Variants in DST observed in about 807,000 individuals in gnomAD.
DST encodes the protein bullous pemphigoid antigen.
In DST, 253 loss-of-function variants were observed where a neutral mutation model predicts 875.2. That is an observed-to-expected ratio of 0.29 (90% CI 0.26 to 0.32). The LOEUF (loss-of-function observed/expected upper bound fraction) is 0.32. Among genes scored for constraint, DST ranks in the 10% least tolerant of loss-of-function variants. The probability of loss-of-function intolerance (pLI) is 1.00; values close to 1 mark genes in which losing one functional copy is unlikely to be tolerated. For missense variants in DST, 8,287 were observed against 9,111.6 expected, an observed-to-expected ratio of 0.91 and a Z score of 3.68; for synonymous variants, 3,124 against 3,197.1, an observed-to-expected ratio of 0.98 and a Z score of 0.77.
At chr6:56,740,102 C>CG (rs1389702170) in intron 4 of DST, among the ~76,000 whole-genome samples, 5 of 152,146 alleles carry the variant, frequency 3.3e-5, no homozygotes, top group African/African-American at 7.2e-5. Flanking sequence ...GTGATCCTCC[C>CG]GCCTCGGCCT....
intron 69 of DST, among the ~76,000 whole-genome samples, chr6:56,525,548 T>G (rs2096782280): frequency 6.6e-6 from 1 of 152,216 alleles, no homozygotes. Context: ...ATCAGCTTGA[T>G]TTATGCCTCT....
chr6:56,571,701 C>A (rs1380336492), intron 53 of DST, among the ~76,000 whole-genome samples: 1 of 152,140 alleles, frequency 6.6e-6, no homozygotes, highest in Non-Finnish European at 1.5e-5. Context: ...ATTGAAATTG[C>A]ACATCGTTTC....
At position 56,607,809 on chromosome 6, in the gene DST, T is replaced by C. The variant is rs1281116670; in HGVS notation, c.6819A>G (p.Thr2273=). 6.2e-7 allele frequency: 1 copy of C among 1,613,400 alleles called. No homozygotes were observed. The highest frequency in any genetic ancestry group is 8.5e-7 in the Non-Finnish European group (1 of 1,179,716). Residue 2273 remains threonine, a synonymous_variant, in exon 40 of 104, where the codon ACA becomes ACG. Transcript: ENST00000680361. ...NASGREKDEC[T]ATPSSFNKCH... ...ATTTATTGAAACTACTTGGTGTAGC[T>C]GTACATTCATCCTTTTCTCTACCTG... is the stretch of plus-strand genomic sequence containing the variant.
chr6:56,479,181 C>T (rs1164760894), intron 90 of DST, among the ~76,000 whole-genome samples: 1 of 152,104 alleles, frequency 6.6e-6, no homozygotes, highest in African/African-American at 2.4e-5. Flanking sequence ...GAAAAATGCT[C>T]AACATCACTA....
chr6:56,553,756 T>C, intron 60 of DST, 101 bp from the exon 61 acceptor site: 1 of 1,174,510 alleles, frequency 8.5e-7, no homozygotes, highest in Non-Finnish European at 1.2e-6. Context: ...ATAGAATTGT[T>C]GAAAAGCAAG....
At chr6:56,827,435 A>G (rs1264486394) in intron 4 of DST, among the ~76,000 whole-genome samples, 2 of 147,714 alleles carry the variant, frequency 1.4e-5, no homozygotes, top group African/African-American at 2.5e-5. Flanking sequence ...TGAACCCAGA[A>G]GGCGGAGGTT....
chr6:56,637,382 T>G (rs1391606847), intron 22 of DST, among the ~76,000 whole-genome samples: 1 of 152,316 alleles, frequency 6.6e-6, no homozygotes, highest in South Asian at 2.1e-4. Context: ...CTCTTACATC[T>G]GCTTTGTGGA....
rs1469573460 is a variant in DST at position 56,606,641 on chromosome 6, T to C, written c.7987A>G (p.Lys2663Glu). 1 of 1,613,638 alleles carries C rather than the reference T, an allele frequency of 6.2e-7. No homozygotes were observed. The highest frequency in any genetic ancestry group is 2.2e-5 in the East Asian group (1 of 44,874). ...GGAACCATGGAATTTTCATTCTCTT[T>C]TGAGACATCATAAAAAACATCAGCA... ...SPADVFYDVS[K>E]ENENSMVPQG... Residue 2663 changes from lysine to glutamate, a missense_variant, in exon 40 of 104, where the codon AAA (lysine) becomes GAA (glutamate). Lys to Glu is a moderately conservative substitution (Grantham distance 56, BLOSUM62 1). Transcript: ENST00000680361.
At chr6:56,676,751 G>C (rs901023485) in intron 9 of DST, among the ~76,000 whole-genome samples, 1 of 151,210 alleles carries the variant, frequency 6.6e-6, no homozygotes, top group Non-Finnish European at 1.5e-5. Flanking sequence ...TGAAACTGGA[G>C]GGAATGTTAA....
intron 4 of DST, among the ~76,000 whole-genome samples, chr6:56,742,096 T>C (rs2099549021): frequency 6.6e-6 from 1 of 152,138 alleles, no homozygotes; most frequent in Non-Finnish European, 1.5e-5. Context: ...TGGACAACAA[T>C]AGGCAGGGGA....
intron 46 of DST, 47 bp from the exon 47 acceptor site, chr6:56,598,053 C>T (rs935685250): frequency 6.6e-7 from 1 of 1,512,212 alleles, no homozygotes; most frequent in African/African-American, 1.4e-5. Context: ...TGGGCCAAGG[C>T]ATAGTTTTAA....
At chr6:56,492,083 CT>C in intron 85 of DST, 143 bp downstream of exon 85, 1 of 779,250 alleles carries the variant, frequency 1.3e-6, no homozygotes, top group Non-Finnish European at 2.0e-6. Flanking sequence ...GGCCACAGCC[CT>C]TTTAGGAAAG....
Position 56,604,737 on chromosome 6 carries a change from T to C in DST, c.9891A>G (p.Gly3297=), listed in dbSNP as rs1441615511. ...TGTTACTGGAGTTATCATTTCCTAA[T>C]CCATTTGCACACCGCTCCGACTGCA... ...DFLQSERCAN[G]LGNDNSSNTL... Residue 3297 remains glycine, a synonymous_variant, in exon 40 of 104, where the codon GGA becomes GGG. Transcript: ENST00000680361. 1 of 1,612,712 alleles carries C rather than the reference T, an allele frequency of 6.2e-7. No individual in the cohort carries two copies. Among genetic ancestry groups the C allele is most frequent in the Non-Finnish European group, 8.5e-7 (1 of 1,179,150 alleles).
In DST at chr6:56,593,862, CTCT is replaced by C. The variant is rs2098329339; in HGVS notation, c.12524_12526del (p.Lys4175del). 6.2e-7 allele frequency: 1 copy of C among 1,613,814 alleles called. No individual in the cohort carries two copies. Among genetic ancestry groups the C allele is most frequent in the Non-Finnish European group, 8.5e-7 (1 of 1,179,886 alleles). ...AACGTCTTCTGAGAAACTCTTCTGCCTCTTCAATTTGGTCATTAAACCATTGAT... is the reference window on the plus strand; with the variant it reads ...AACGTCTTCTGAGAAACTCTTCTGCCTCAATTTGGTCATTAAACCATTGAT... On this transcript the variant is annotated inframe_deletion, in exon 48 of 104. Transcript: ENST00000680361.
intron 47 of DST, among the ~76,000 whole-genome samples, chr6:56,596,024 C>CTAT (rs2098379264): frequency 3.4e-5 from 5 of 146,592 alleles, no homozygotes; most frequent in Non-Finnish European, 7.4e-5. Flanking sequence ...TATTTATTTA[C>CTAT]TTATTTATTT....
chr6:56,733,965 C>T (rs59247267), intron 5 of DST, among the ~76,000 whole-genome samples: 38,170 of 152,052 alleles, frequency 0.25, 6,520 homozygotes, highest in African/African-American at 0.48. Flanking sequence ...ATTTAAAAGA[C>T]AGGGAACACG....
chr6:56,772,424 C>T (rs72881045), intron 4 of DST, among the ~76,000 whole-genome samples: 7,368 of 152,124 alleles, frequency 0.048, 279 homozygotes, highest in Non-Finnish European at 0.077. Context: ...AGAGCAGAAA[C>T]GGCACATACT....
intron 10 of DST, among the ~76,000 whole-genome samples, chr6:56,670,007 C>T (rs192047081): frequency 6.6e-6 from 1 of 152,240 alleles, no homozygotes; most frequent in East Asian, 1.9e-4. Context: ...TTGTGGGCTA[C>T]AAGTCCAAAC....
intron 62 of DST, among the ~76,000 whole-genome samples, chr6:56,535,991 G>A (rs1177955386): frequency 6.6e-6 from 1 of 152,212 alleles, no homozygotes; most frequent in Non-Finnish European, 1.5e-5. Flanking sequence ...CTACACATAT[G>A]TATCAGACTT....
Sources: allele counts gnomAD v4.1 joint callset (sites outside exome capture counted in the v4.1 genomes callset), GRCh38; gene constraint gnomAD v4.1.1; transcripts MANE v1.5; gene names NCBI Gene and HGNC (gene_info 2026-07-23, HGNC 2026-07-21).